The following FAM13A variants were observed in gnomAD, a reference collection of about 807,000 sequenced individuals.
The protein encoded by FAM13A is protein FAM13A.
A neutral mutation model predicts 129.6 loss-of-function variants in FAM13A; 76 were observed. The ratio of observed to expected loss-of-function variants is 0.59; its 90% CI spans 0.49 to 0.71. The LOEUF is 0.71. Ranked by LOEUF, FAM13A falls within the 30% of genes least tolerant of loss-of-function variation. The pLI is 0.00. For synonymous variants in FAM13A, 443 were observed against 449.9 expected (o/e 0.98, Z 0.20); for missense variants, 1,108 against 1,249.3 (o/e 0.89, Z 1.70).
intron 6 of FAM13A, among the ~76,000 whole-genome samples, chr4:88,877,928 C>A (rs112994852): frequency 9.2e-4 from 140 of 152,218 alleles, no homozygotes; most frequent in African/African-American, 3.3e-3. Flanking sequence ...TGAACAAATT[C>A]TTTCTCTTTG....
chr4:88,737,659 T>C (rs1238216037), intron 20 of FAM13A, 104 bp from the exon 21 acceptor site: 2 of 870,012 alleles, frequency 2.3e-6, no homozygotes, highest in Non-Finnish European at 3.8e-6. Context: ...CTTTTAACTC[T>C]GCATTCTTAT....
At chr4:88,748,150 C>A (rs1424488520) in intron 17 of FAM13A, among the ~76,000 whole-genome samples, 1 of 152,176 alleles carries the variant, frequency 6.6e-6, no homozygotes, top group Non-Finnish European at 1.5e-5. Flanking sequence ...CCTCGGCCTC[C>A]CAAAGTGCTG....
intron 10 of FAM13A, 110 bp downstream of exon 10, chr4:88,787,643 G>A: frequency 1.0e-6 from 1 of 974,874 alleles, no homozygotes; most frequent in East Asian, 2.5e-5. Context: ...CCTAAATACT[G>A]AAATGGGAGA....
At chr4:88,875,210 C>A (rs182121202) in intron 6 of FAM13A, among the ~76,000 whole-genome samples, 2 of 152,168 alleles carry the variant, frequency 1.3e-5, no homozygotes, top group South Asian at 2.1e-4. Context: ...CTAGGCAATA[C>A]CATTCAGGAC....
Position 89,050,387 on chromosome 4 carries a change from G to A in FAM13A, c.27+6551C>T, listed in dbSNP as rs10030342. 6.1e-4 allele frequency among the ~76,000 whole-genome samples: 93 copies of A among 151,534 alleles called. 1 individual carries two copies. The Middle Eastern group carries it at 0.014, about 22-fold the overall frequency. Reference sequence around the variant, plus strand: ...CCAGCTAATTTTTTTTGTATTTGTAGTAGAGATGGGGTTTTGTCATGTTGG... The same window carrying A: ...CCAGCTAATTTTTTTTGTATTTGTAATAGAGATGGGGTTTTGTCATGTTGG... On this transcript the variant is annotated intron_variant, in intron 1 of 23. Coordinates refer to ENST00000264344, the MANE Select transcript of FAM13A (RefSeq NM_014883.4).
At chr4:88,864,000 G>A (rs1368197906) in intron 6 of FAM13A, among the ~76,000 whole-genome samples, 1 of 152,078 alleles carries the variant, frequency 6.6e-6, no homozygotes, top group Non-Finnish European at 1.5e-5. Context: ...TTGTCTTTAA[G>A]ATCAAGAAGT....
intron 7 of FAM13A, among the ~76,000 whole-genome samples, chr4:88,831,668 C>T (rs1733902788): frequency 6.6e-6 from 1 of 151,706 alleles, no homozygotes; most frequent in Non-Finnish European, 1.5e-5. Flanking sequence ...AAGAATAAGT[C>T]CAGGAATATA....
At chr4:88,846,869 T>A (rs1468287446) in intron 7 of FAM13A, among the ~76,000 whole-genome samples, 1 of 152,222 alleles carries the variant, frequency 6.6e-6, no homozygotes, top group Non-Finnish European at 1.5e-5. Flanking sequence ...TTAAAATATA[T>A]GAACTAGCCA....
At chr4:89,046,488 C>T (rs1047752810) in intron 1 of FAM13A, among the ~76,000 whole-genome samples, 3 of 152,142 alleles carry the variant, frequency 2.0e-5, no homozygotes, top group South Asian at 2.1e-4. Context: ...TCCTAGTAAT[C>T]GAAGACGGGC....
At chr4:88,781,412 TCTAA>T in intron 10 of FAM13A, 61 bp from the exon 11 acceptor site, 1 of 1,167,750 alleles carries the variant, frequency 8.6e-7, no homozygotes, top group Non-Finnish European at 1.2e-6. Flanking sequence ...TGAATGATAC[TCTAA>T]CTACATCATA....
At chr4:88,776,784 G>C (rs1721807784) in intron 11 of FAM13A, among the ~76,000 whole-genome samples, 1 of 152,070 alleles carries the variant, frequency 6.6e-6, no homozygotes, top group Admixed American at 6.6e-5. Flanking sequence ...GGACCAGCCC[G>C]GCCAACATGG....
In FAM13A at chr4:88,957,189, G is replaced by A. The variant is rs1757883467; in HGVS notation, c.606-18948C>T. ...GAAAATATGAAAATTAGCTGGGCATGGAGGCACATGCCGGCAGTCCCATCT... is the reference window on the plus strand; with the variant it reads ...GAAAATATGAAAATTAGCTGGGCATAGAGGCACATGCCGGCAGTCCCATCT... On this transcript the variant is annotated intron_variant, in intron 4 of 23. Transcript: ENST00000264344. Among the ~76,000 whole-genome samples the A allele has an allele frequency of 2.6e-5, 4 of 152,168 alleles. No individual in the cohort carries two copies. In the South Asian group the frequency reaches 8.3e-4, roughly 32 times the overall value.
chr4:88,916,318 AAT>A (rs1750111364), intron 5 of FAM13A, among the ~76,000 whole-genome samples: 1 of 152,242 alleles, frequency 6.6e-6, no homozygotes. Context: ...ATTATAATCC[AAT>A]ATAGAGTTTT....
chr4:89,040,397 A>T (rs1357687902), intron 1 of FAM13A, among the ~76,000 whole-genome samples: 1 of 152,136 alleles, frequency 6.6e-6, no homozygotes, highest in Admixed American at 6.6e-5. Flanking sequence ...CCTCAAAGAG[A>T]CTCCCAGCTA....
At chr4:88,921,110 AAG>A (rs1298085787) in intron 5 of FAM13A, among the ~76,000 whole-genome samples, 7 of 152,224 alleles carry the variant, frequency 4.6e-5, no homozygotes, top group Non-Finnish European at 7.3e-5. Context: ...GAATGGAACC[AAG>A]TTGGAAACCA....
At chr4:88,895,863 G>A (rs1305757444) in intron 6 of FAM13A, among the ~76,000 whole-genome samples, 3 of 140,140 alleles carry the variant, frequency 2.1e-5, no homozygotes, top group African/African-American at 8.2e-5. Flanking sequence ...TCAGTGTGGC[G>A]ATTCCTCAGG....
At chr4:88,934,637 A>C (rs1004436528) in intron 5 of FAM13A, among the ~76,000 whole-genome samples, 14 of 152,188 alleles carry the variant, frequency 9.2e-5, no homozygotes, top group Admixed American at 2.0e-4. Context: ...CTCCTAACCC[A>C]GTTATTCAGA....
chr4:89,028,318 AC>A (rs1174789589), intron 2 of FAM13A, among the ~76,000 whole-genome samples: 1 of 151,988 alleles, frequency 6.6e-6, no homozygotes, highest in Non-Finnish European at 1.5e-5. Flanking sequence ...ACCTTAGAAA[AC>A]CAAACCATGC....
intron 1 of FAM13A, chr4:89,029,990 T>A: frequency 5.2e-6 from 1 of 193,272 alleles, no homozygotes; most frequent in African/African-American, 2.3e-5. Flanking sequence ...ATAAGAACAG[T>A]GAAACGCCAG....
Sources: allele counts gnomAD v4.1 joint callset (sites outside exome capture counted in the v4.1 genomes callset), GRCh38; gene constraint gnomAD v4.1.1; transcripts MANE v1.5; gene names NCBI Gene and HGNC (gene_info 2026-07-23, HGNC 2026-07-21).